Variants in DCC observed in about 807,000 individuals in gnomAD.
DCC encodes the protein DCC netrin 1 receptor, also known as netrin receptor DCC.
Under a neutral mutation model 172.5 loss-of-function variants are expected in DCC, and 58 were observed. The ratio of observed to expected loss-of-function variants is 0.34; its 90% CI spans 0.27 to 0.42. The LOEUF (loss-of-function observed/expected upper bound fraction) is 0.42, where lower values mean the gene tolerates loss of function less well. Among genes scored for constraint, DCC ranks in the 10% least tolerant of loss-of-function variants. The pLI is 1.00. For missense variants in DCC, 1,740 were observed against 1,791.0 expected (o/e 0.97, Z 0.51); for synonymous variants, 709 against 644.5 (o/e 1.10, Z -1.52).
chr18:52,734,149 A>T (rs2036689252), intron 1 of DCC, among the ~76,000 whole-genome samples: 1 of 152,068 alleles, frequency 6.6e-6, no homozygotes, highest in African/African-American at 2.4e-5. Flanking sequence ...TATTATTTTT[A>T]TTTTTTAAAC....
At position 53,307,893 on chromosome 18, in the gene DCC, GTATGTATA is replaced by G. The variant is rs1351058481; in HGVS notation, c.2053+2178_2053+2185del. ...AACCCTTCTGGAAAGCAATGTGTGT[GTATGTATA>G]TATATATATATATATATATATATAT... On this transcript the variant is annotated intron_variant, in intron 13 of 28. Transcript: ENST00000442544. 1.9e-4 allele frequency among the ~76,000 whole-genome samples: 19 copies of G among 97,552 alleles called. 1 individual carries two copies. The highest frequency in any genetic ancestry group is 3.1e-4 in the Non-Finnish European group (17 of 54,130). 64.0% of individuals were successfully genotyped at this position (97,552 alleles called of 152,430 possible). A position where few individuals can be genotyped will look rare whatever the true frequency, so the allele number is the denominator to read the frequency against.
intron 1 of DCC, among the ~76,000 whole-genome samples, chr18:52,727,929 T>C (rs1327800001): frequency 2.0e-5 from 3 of 152,222 alleles, no homozygotes. Flanking sequence ...TTTCATTTCA[T>C]AGAGAAAGAG....
At chr18:52,395,365 C>A (rs1471403433) in intron 1 of DCC, among the ~76,000 whole-genome samples, 3 of 152,044 alleles carry the variant, frequency 2.0e-5, no homozygotes, top group Non-Finnish European at 4.4e-5. Context: ...AGAGAAAAAA[C>A]CAAGGCTCTG....
chr18:53,271,229 G>A (rs1008594843), intron 12 of DCC, among the ~76,000 whole-genome samples: 1 of 152,126 alleles, frequency 6.6e-6, no homozygotes, highest in Non-Finnish European at 1.5e-5. Flanking sequence ...AGTGGTCTCT[G>A]ACCATAGATA....
intron 2 of DCC, among the ~76,000 whole-genome samples, chr18:52,812,946 T>G (rs1043071173): frequency 6.6e-5 from 10 of 152,212 alleles, no homozygotes; most frequent in Non-Finnish European, 1.3e-4. Flanking sequence ...GCAGAAACCC[T>G]AGTCTCCCAA....
At chr18:53,054,300 A>G (rs999071039) in intron 5 of DCC, among the ~76,000 whole-genome samples, 2 of 152,052 alleles carry the variant, frequency 1.3e-5, no homozygotes, top group African/African-American at 2.4e-5. Flanking sequence ...ATAAAATCTT[A>G]ATTCTCATTA....
intron 12 of DCC, among the ~76,000 whole-genome samples, chr18:53,272,467 G>A (rs2056760158): frequency 6.6e-6 from 1 of 152,136 alleles, no homozygotes; most frequent in African/African-American, 2.4e-5. Flanking sequence ...TTTGCCAGAA[G>A]AGTTTTTCAA....
chr18:52,586,440 C>T (rs1470499705), intron 1 of DCC, among the ~76,000 whole-genome samples: 5 of 152,112 alleles, frequency 3.3e-5, no homozygotes, highest in Admixed American at 2.6e-4. Flanking sequence ...AATCACCCCA[C>T]CCAACACTGC....
At chr18:53,033,361 T>G (rs1198620549) in intron 5 of DCC, among the ~76,000 whole-genome samples, 1 of 152,120 alleles carries the variant, frequency 6.6e-6, no homozygotes, top group African/African-American at 2.4e-5. Context: ...TAACACCACT[T>G]GATTTCCCAA....
intron 1 of DCC, among the ~76,000 whole-genome samples, chr18:52,643,008 T>C (rs1263976873): frequency 6.6e-6 from 1 of 152,244 alleles, no homozygotes; most frequent in Non-Finnish European, 1.5e-5. Context: ...TGAGGAAAGT[T>C]AGATTGTTCA....
intron 8 of DCC, among the ~76,000 whole-genome samples, chr18:53,169,430 A>G (rs913831709): frequency 3.9e-5 from 6 of 152,176 alleles, no homozygotes; most frequent in African/African-American, 9.6e-5. Context: ...TTGATGCTCT[A>G]TGTGAATTTT....
chr18:53,202,099 T>C (rs2055546099), intron 9 of DCC, among the ~76,000 whole-genome samples: 2 of 152,178 alleles, frequency 1.3e-5, no homozygotes, highest in East Asian at 1.9e-4. Context: ...TAGAAGCAAA[T>C]GCACTCAAGT....
At position 53,358,530 on chromosome 18, in the gene DCC, CT is replaced by C. The variant is rs35093625; in HGVS notation, c.2359+18645del. Among the ~76,000 whole-genome samples the C allele has an allele frequency of 3.3e-3, 315 of 95,890 alleles. 1 individual carries two copies. Among genetic ancestry groups the C allele is most frequent in the African/African-American group, 0.011 (245 of 22,882 alleles). The allele number at this position is 95,890 out of a possible 152,430, so 62.9% of individuals were successfully genotyped here. Reference sequence around the variant, plus strand: ...GAAATGTAAGACATATTCTCTCTCTCTTTTTTTTTTTTTTTTTTTTTTGCGA... The same window carrying C: ...GAAATGTAAGACATATTCTCTCTCTCTTTTTTTTTTTTTTTTTTTTTGCGA... On this transcript the variant is annotated intron_variant, in intron 15 of 28. Transcript: ENST00000442544.
At chr18:53,296,538 A>G (rs2057070139) in intron 12 of DCC, among the ~76,000 whole-genome samples, 1 of 152,156 alleles carries the variant, frequency 6.6e-6, no homozygotes, top group Non-Finnish European at 1.5e-5. Flanking sequence ...GGTAACTGAG[A>G]TGGGTGTGAG....
intron 1 of DCC, among the ~76,000 whole-genome samples, chr18:52,662,939 A>G (rs1031250633): frequency 1.3e-5 from 2 of 152,292 alleles, no homozygotes; most frequent in Admixed American, 1.3e-4. Context: ...TGAGGGCTCC[A>G]CAATGATGAC....
chr18:52,497,186 A>G (rs1202758098), intron 1 of DCC, among the ~76,000 whole-genome samples: 1 of 148,886 alleles, frequency 6.7e-6, no homozygotes, highest in Non-Finnish European at 1.5e-5. Flanking sequence ...TCTTGAGCCC[A>G]GGAATTTGAG....
chr18:52,484,498 C>T (rs1039053557), intron 1 of DCC, among the ~76,000 whole-genome samples: 2 of 152,032 alleles, frequency 1.3e-5, no homozygotes. Flanking sequence ...GTAGAAAAAT[C>T]AATGAACTGT....
intron 1 of DCC, among the ~76,000 whole-genome samples, chr18:52,482,113 G>C (rs953054380): frequency 6.6e-6 from 1 of 151,910 alleles, no homozygotes; most frequent in African/African-American, 2.4e-5. Context: ...CATATGCAAC[G>C]CTTAATACCA....
chr18:53,040,832 A>C (rs911447649), intron 5 of DCC, among the ~76,000 whole-genome samples: 3 of 151,970 alleles, frequency 2.0e-5, no homozygotes, highest in African/African-American at 7.2e-5. Context: ...GGGAGCTGCA[A>C]ATGTGGAACC....
Sources: gnomAD v4.1 joint callset for allele counts (sites outside exome capture counted in the v4.1 genomes callset) on GRCh38, gnomAD v4.1.1 for gene constraint, MANE v1.5 for transcripts, NCBI Gene and HGNC (gene_info 2026-07-23, HGNC 2026-07-21) for gene names.